CSMD1: variants seen among roughly 807,000 people sequenced by gnomAD.
The protein encoded by CSMD1 is CUB and sushi domain-containing protein 1.
In CSMD1, 213 loss-of-function variants were observed where a neutral mutation model predicts 417.5. The ratio of observed to expected loss-of-function variants is 0.51; its 90% CI spans 0.46 to 0.57. The LOEUF (loss-of-function observed/expected upper bound fraction) is 0.57, where lower values mean the gene tolerates loss of function less well. Ranked by LOEUF, CSMD1 falls within the 20% of genes least tolerant of loss-of-function variation. The pLI is 0.00. For missense variants in CSMD1, 6,923 were observed against 4,529.7 expected (o/e 1.53, Z -15.17); for synonymous variants, 2,862 against 1,736.8 (o/e 1.65, Z -16.11).
At position 4,681,000 on chromosome 8, in the gene CSMD1, G is replaced by GAA. The variant is rs1434052037; in HGVS notation, c.86-43443_86-43442insTT. On this transcript the variant is annotated intron_variant, in intron 1 of 69. Coordinates refer to ENST00000635120, the MANE Select transcript of CSMD1 (RefSeq NM_033225.6). The stretch of plus-strand genomic sequence containing the variant: ...TGAGAGAGAGAGAGAGAGAGAGAGA[G>GAA]AGAATGAGAAAGTCATGCAACCTCT... 1.4e-4 allele frequency among the ~76,000 whole-genome samples: 21 copies of GAA among 151,788 alleles called. 1 individual carries two copies. Among genetic ancestry groups the GAA allele is most frequent in the African/African-American group, 4.8e-4 (20 of 41,370 alleles).
At chr8:4,690,640 T>G (rs554507239) in intron 1 of CSMD1, among the ~76,000 whole-genome samples, 12 of 152,298 alleles carry the variant, frequency 7.9e-5, no homozygotes, top group African/African-American at 2.6e-4. Flanking sequence ...ATTCACACAA[T>G]CCTTTTGTGA....
At chr8:3,828,876 A>G (rs1009623385) in intron 5 of CSMD1, among the ~76,000 whole-genome samples, 3 of 152,096 alleles carry the variant, frequency 2.0e-5, no homozygotes, top group East Asian at 3.9e-4. Context: ...CCCGTCTCAC[A>G]TCACCAACCC....
At chr8:3,173,147 G>A (rs1820686818) in intron 37 of CSMD1, among the ~76,000 whole-genome samples, 2 of 152,128 alleles carry the variant, frequency 1.3e-5, no homozygotes, top group South Asian at 2.1e-4. Flanking sequence ...AATTTATTTG[G>A]CACCTGTCCC....
intron 1 of CSMD1, among the ~76,000 whole-genome samples, chr8:4,992,577 C>A (rs772422907): frequency 1.3e-5 from 2 of 152,194 alleles, no homozygotes; most frequent in African/African-American, 2.4e-5. Context: ...CCTTGGGCTC[C>A]TGCCCTCACC....
Position 4,241,450 on chromosome 8 carries a change from A to G in CSMD1, c.415+178503T>C, listed in dbSNP as rs148406878. Reference sequence around the variant, plus strand: ...ATAGCACTTTATTATCTCAGTCACTACATCTCCAACTGCAGAAGTCGCTTC... The same window carrying G: ...ATAGCACTTTATTATCTCAGTCACTGCATCTCCAACTGCAGAAGTCGCTTC... On this transcript the variant is annotated intron_variant, in intron 3 of 69. Transcript: ENST00000635120. 3.4e-3 allele frequency among the ~76,000 whole-genome samples: 515 copies of G among 152,266 alleles called. 5 individuals are homozygous for G. Among genetic ancestry groups the G allele is most frequent in the African/African-American group, 0.012 (492 of 41,544 alleles).
At chr8:3,526,141 G>T (rs534465316) in intron 10 of CSMD1, among the ~76,000 whole-genome samples, 2 of 152,078 alleles carry the variant, frequency 1.3e-5, no homozygotes, top group African/African-American at 4.8e-5. Flanking sequence ...ATTGAAAGTG[G>T]CAAGTTTCAA....
chr8:3,900,281 G>C (rs1250297452), intron 5 of CSMD1, among the ~76,000 whole-genome samples: 1 of 151,122 alleles, frequency 6.6e-6, no homozygotes, highest in Non-Finnish European at 1.5e-5. Flanking sequence ...CTGCGTGACA[G>C]TGCAGCTGCG....
At chr8:3,565,922 G>T (rs1799685343) in intron 10 of CSMD1, among the ~76,000 whole-genome samples, 1 of 151,846 alleles carries the variant, frequency 6.6e-6, no homozygotes, top group Non-Finnish European at 1.5e-5. Context: ...CCAGTTTTGT[G>T]CCATCCGTGA....
chr8:4,653,237 A>C (rs374104639), intron 1 of CSMD1, among the ~76,000 whole-genome samples: 1 of 152,134 alleles, frequency 6.6e-6, no homozygotes, highest in Middle Eastern at 3.2e-3. Flanking sequence ...CATCTATACA[A>C]ATCGGGCTCC....
At chr8:4,800,195 T>C (rs974878680) in intron 1 of CSMD1, among the ~76,000 whole-genome samples, 3 of 151,972 alleles carry the variant, frequency 2.0e-5, no homozygotes, top group Non-Finnish European at 4.4e-5. Context: ...CCCCAGCACG[T>C]TGGGAAGCCA....
chr8:3,438,207 G>A (rs1814700492), intron 12 of CSMD1, among the ~76,000 whole-genome samples: 1 of 152,122 alleles, frequency 6.6e-6, no homozygotes, highest in Admixed American at 6.6e-5. Flanking sequence ...AGATCCATAT[G>A]CAGTTGTAAG....
intron 11 of CSMD1, among the ~76,000 whole-genome samples, chr8:3,493,021 G>C (rs74304372): frequency 0.11 from 17,401 of 152,066 alleles, 1,102 homozygotes; most frequent in East Asian, 0.3. Flanking sequence ...GGCTGGGTGC[G>C]GTGGTTCACA....
intron 2 of CSMD1, among the ~76,000 whole-genome samples, chr8:4,519,144 T>A (rs145346596): frequency 2.3e-3 from 351 of 152,274 alleles, no homozygotes; most frequent in African/African-American, 7.7e-3. Context: ...ACATTTTGCA[T>A]TAATGTGTTA....
chr8:4,457,745 C>A (rs2129910095), intron 2 of CSMD1, among the ~76,000 whole-genome samples: 1 of 152,270 alleles, frequency 6.6e-6, no homozygotes, highest in South Asian at 2.1e-4. Flanking sequence ...TGTATGGGAT[C>A]CAGCAGCATA....
chr8:4,532,939 A>T (rs138007260), intron 2 of CSMD1, among the ~76,000 whole-genome samples: 1 of 152,006 alleles, frequency 6.6e-6, no homozygotes, highest in Non-Finnish European at 1.5e-5. Flanking sequence ...CTGCATTCAC[A>T]GTCACTCCGG....
intron 5 of CSMD1, among the ~76,000 whole-genome samples, chr8:3,768,769 C>G (rs569664507): frequency 1.4e-3 from 219 of 152,342 alleles, no homozygotes; most frequent in Non-Finnish European, 2.6e-3. Flanking sequence ...GACACACTCT[C>G]AGAAATCGTA....
At chr8:4,006,787 T>C (rs188789259) in intron 4 of CSMD1, among the ~76,000 whole-genome samples, 120 of 152,088 alleles carry the variant, frequency 7.9e-4, no homozygotes, top group Middle Eastern at 3.4e-3. Context: ...ACCATTCATA[T>C]TTCTTTTGTC....
At chr8:3,754,583 T>C (rs1026922469) in intron 5 of CSMD1, among the ~76,000 whole-genome samples, 1 of 152,102 alleles carries the variant, frequency 6.6e-6, no homozygotes, top group African/African-American at 2.4e-5. Context: ...GCCTCCTGAG[T>C]AGCTGGGATT....
intron 5 of CSMD1, among the ~76,000 whole-genome samples, chr8:3,855,817 A>G (rs1804264974): frequency 6.6e-6 from 1 of 152,164 alleles, no homozygotes; most frequent in Non-Finnish European, 1.5e-5. Flanking sequence ...CTAGTAGGGT[A>G]TTACGTAAAC....
Sources: gnomAD v4.1 joint callset for allele counts (sites outside exome capture counted in the v4.1 genomes callset) on GRCh38, gnomAD v4.1.1 for gene constraint, MANE v1.5 for transcripts, NCBI Gene and HGNC (gene_info 2026-07-23, HGNC 2026-07-21) for gene names.